Variants in CSMD3 observed in about 807,000 individuals in gnomAD.
CSMD3 encodes CUB and sushi domain-containing protein 3.
Under a neutral mutation model 435.2 loss-of-function variants are expected in CSMD3, and 177 were observed. That is an observed-to-expected ratio of 0.41 (90% CI 0.36 to 0.46). The LOEUF is 0.46. Among genes scored for constraint, CSMD3 ranks in the 20% least tolerant of loss-of-function variants. CSMD3 has a pLI of 0.34. For missense variants in CSMD3, 4,265 were observed against 4,504.6 expected (o/e 0.95, Z 1.52); for synonymous variants, 1,656 against 1,520.5 (o/e 1.09, Z -2.07).
At chr8:112,405,650 A>G (rs1168514810) in intron 35 of CSMD3, among the ~76,000 whole-genome samples, 1 of 151,952 alleles carries the variant, frequency 6.6e-6, no homozygotes. Context: ...CATTTTACTC[A>G]TTCAAAATGT....
intron 38 of CSMD3, among the ~76,000 whole-genome samples, chr8:112,361,602 TATATATA>T (rs1563841188): frequency 1.5e-4 from 21 of 136,736 alleles, no homozygotes; most frequent in African/African-American, 5.4e-4. Flanking sequence ...TATATATATA[TATATATA>T]TATATATATA....
chr8:112,295,787 TTC>T, intron 54 of CSMD3, 44 bp downstream of exon 54: 1 of 1,547,392 alleles, frequency 6.5e-7, no homozygotes, highest in South Asian at 1.1e-5. Context: ...ACTAGAATTA[TTC>T]CAAAGATCAG....
intron 45 of CSMD3, among the ~76,000 whole-genome samples, chr8:112,332,478 C>A (rs1824161795): frequency 6.6e-6 from 1 of 151,986 alleles, no homozygotes; most frequent in Non-Finnish European, 1.5e-5. Context: ...AATCAGTGAA[C>A]TGGATTATAG....
chr8:113,395,394 T>C (rs1424907605), intron 1 of CSMD3, among the ~76,000 whole-genome samples: 2 of 151,582 alleles, frequency 1.3e-5, no homozygotes, highest in African/African-American at 2.4e-5. Flanking sequence ...GATCATGAGG[T>C]CAGGAGATTG....
At chr8:112,367,721 T>C (rs1827913304) in intron 38 of CSMD3, among the ~76,000 whole-genome samples, 1 of 152,186 alleles carries the variant, frequency 6.6e-6, no homozygotes, top group Non-Finnish European at 1.5e-5. Flanking sequence ...ATGTAATGCA[T>C]ACTTCACTTT....
intron 38 of CSMD3, among the ~76,000 whole-genome samples, chr8:112,363,203 C>A (rs1157831026): frequency 6.6e-6 from 1 of 151,896 alleles, no homozygotes; most frequent in Non-Finnish European, 1.5e-5. Context: ...ACTTCACAGT[C>A]ATATTATGAT....
At chr8:113,424,348 T>G (rs965154534) in intron 1 of CSMD3, among the ~76,000 whole-genome samples, 1 of 151,740 alleles carries the variant, frequency 6.6e-6, no homozygotes, top group Admixed American at 6.6e-5. Flanking sequence ...CATAATGTAC[T>G]TATTGAAAAA....
chr8:112,628,059 C>A (rs1834635245), intron 22 of CSMD3, among the ~76,000 whole-genome samples: 1 of 152,142 alleles, frequency 6.6e-6, no homozygotes, highest in South Asian at 2.1e-4. Flanking sequence ...CTACAAATCC[C>A]AAGTGAATAA....
intron 59 of CSMD3, among the ~76,000 whole-genome samples, chr8:112,278,275 G>C (rs1021439580): frequency 1.3e-5 from 2 of 152,126 alleles, no homozygotes; most frequent in Non-Finnish European, 2.9e-5. Context: ...GAGAGTGCTT[G>C]GTGCTGTGCT....
chr8:112,283,697 T>A (rs1818893343), intron 58 of CSMD3, among the ~76,000 whole-genome samples: 1 of 151,712 alleles, frequency 6.6e-6, no homozygotes, highest in African/African-American at 2.4e-5. Flanking sequence ...AATTCCCTGT[T>A]GAAAAACATT....
intron 55 of CSMD3, 127 bp from the exon 56 acceptor site, chr8:112,291,822 T>C (rs1186386481): frequency 4.6e-6 from 3 of 652,154 alleles, no homozygotes; most frequent in Non-Finnish European, 7.9e-6. Context: ...ATTCCAATAA[T>C]AAAATTAATC....
Position 112,409,048 on chromosome 8 carries a change from C to G in CSMD3, c.5396-16G>C, listed in dbSNP as rs777463360. ...CCAAACACCACTGATCAACAGGAAC[C>G]CGGAGAAGCAAACAAATCACCAACC... On this transcript the variant is annotated splice_polypyrimidine_tract_variant and intron_variant, in intron 32 of 70. Coordinates refer to ENST00000297405, the MANE Select transcript of CSMD3 (RefSeq NM_198123.2). 6.2e-7 allele frequency: 1 copy of G among 1,612,884 alleles called. No homozygotes were observed. The highest frequency in any genetic ancestry group is 1.1e-5 in the South Asian group (1 of 91,040).
chr8:113,302,672 T>G (rs1014672512), intron 2 of CSMD3, among the ~76,000 whole-genome samples: 25 of 151,892 alleles, frequency 1.6e-4, no homozygotes, highest in Non-Finnish European at 2.9e-4. Context: ...CATGATTATC[T>G]CAATAGATGC....
chr8:112,685,327 A>G, intron 15 of CSMD3, 79 bp downstream of exon 15: 1 of 1,156,110 alleles, frequency 8.6e-7, no homozygotes, highest in Non-Finnish European at 1.2e-6. Context: ...GAAACAAGGG[A>G]ACCAATATAC....
intron 3 of CSMD3, among the ~76,000 whole-genome samples, chr8:113,218,770 C>T (rs778333141): frequency 2.0e-5 from 3 of 151,030 alleles, no homozygotes; most frequent in African/African-American, 4.8e-5. Context: ...AACCTTTATC[C>T]AAAATGCTTG....
chr8:112,942,837 A>G (rs571286050), intron 9 of CSMD3, among the ~76,000 whole-genome samples: 27 of 151,872 alleles, frequency 1.8e-4, no homozygotes, highest in Non-Finnish European at 4.0e-4. Flanking sequence ...TACCTATGTA[A>G]CAACCTGTAT....
chr8:112,392,314 CAAAAAAAA>C (rs1200157495), intron 35 of CSMD3, among the ~76,000 whole-genome samples: 1 of 83,980 alleles, frequency 1.2e-5, no homozygotes, highest in Non-Finnish European at 2.2e-5. Context: ...GGCAATTACT[CAAAAAAAA>C]AAAAAAAAAA....
At chr8:112,836,022 T>C (rs1380233313) in intron 11 of CSMD3, among the ~76,000 whole-genome samples, 2 of 151,876 alleles carry the variant, frequency 1.3e-5, no homozygotes, top group Admixed American at 6.6e-5. Context: ...ATTTGTTTTC[T>C]ATACTTTTAT....
In CSMD3 at chr8:112,492,488, C is replaced by A; in HGVS notation, c.5278+1G>T. The A allele has an allele frequency of 6.2e-7, 1 of 1,612,688 alleles. No homozygotes were observed. Among genetic ancestry groups the A allele is most frequent in the Non-Finnish European group, 8.5e-7 (1 of 1,178,790 alleles). On this transcript the variant is annotated splice_donor_variant, in intron 31 of 70. Coordinates refer to ENST00000297405, the MANE Select transcript of CSMD3 (RefSeq NM_198123.2). LOFTEE classifies it high-confidence loss of function. ...ATTCAGCCAAAAAATATGTTCCTTA[C>A]CATGACAACTTGGCAAGGCTCTATT...
Sources: allele counts gnomAD v4.1 joint callset (sites outside exome capture counted in the v4.1 genomes callset), GRCh38; gene constraint gnomAD v4.1.1; transcripts MANE v1.5; gene names NCBI Gene and HGNC (gene_info 2026-07-23, HGNC 2026-07-21).